LRRTM4: variants seen among roughly 807,000 people sequenced by gnomAD.
The protein encoded by LRRTM4 is leucine rich repeat transmembrane neuronal 4, also known as leucine-rich repeat transmembrane neuronal protein 4.
In LRRTM4, 25 loss-of-function variants were observed where a neutral mutation model predicts 47.6. That is an observed-to-expected ratio of 0.53 (90% CI 0.38 to 0.73). LRRTM4 has a LOEUF of 0.73. Ranked by LOEUF, LRRTM4 falls within the 30% of genes least tolerant of loss-of-function variation. The pLI is 0.00. For missense variants in LRRTM4, 638 were observed against 713.4 expected, an observed-to-expected ratio of 0.89 and a Z score of 1.20; for synonymous variants, 311 against 269.5, an observed-to-expected ratio of 1.15 and a Z score of -1.51.
rs973038153 is a variant in LRRTM4 at position 77,212,570 on chromosome 2, C to A, written c.1551+305748G>T. Among the ~76,000 whole-genome samples, 6 of 149,516 alleles carry A rather than the reference C, an allele frequency of 4.0e-5. No homozygotes were observed. In the South Asian group the frequency reaches 1.3e-3, roughly 31 times the overall value. On this transcript the variant is annotated intron_variant, in intron 3 of 3. Transcript: ENST00000409884. ...TTGAGAATATATATATATATATTCT[C>A]TCTCTATATATATAGTCTTCATTTA...
rs549197906 is a variant in LRRTM4, at chr2:76,780,384, A to G, written c.1552-31468T>C. ...CCAACTTGGTTCCATTCTCCCCATCACTTTCAGGTACACCAATCAGACGTA... is the reference window on the plus strand; with the variant it reads ...CCAACTTGGTTCCATTCTCCCCATCGCTTTCAGGTACACCAATCAGACGTA... On this transcript the variant is annotated intron_variant, in intron 3 of 3. Transcript: ENST00000409884. 8.0e-4 allele frequency among the ~76,000 whole-genome samples: 122 copies of G among 152,102 alleles called. 2 individuals carry two copies. The South Asian group carries it at 9.9e-3, about 12-fold the overall frequency.
chr2:76,885,860 T>C (rs1673060752), intron 3 of LRRTM4, among the ~76,000 whole-genome samples: 1 of 152,152 alleles, frequency 6.6e-6, no homozygotes, highest in Non-Finnish European at 1.5e-5. Context: ...TAAATGCTAC[T>C]TTTGTACTTT....
chr2:77,432,113 G>C (rs1250011858), intron 3 of LRRTM4, among the ~76,000 whole-genome samples: 1 of 152,184 alleles, frequency 6.6e-6, no homozygotes, highest in East Asian at 1.9e-4. Flanking sequence ...TTTGTATCAA[G>C]TAAGTTCAAA....
chr2:77,490,347 AAAAG>A (rs1678094711), intron 3 of LRRTM4, among the ~76,000 whole-genome samples: 1 of 152,178 alleles, frequency 6.6e-6, no homozygotes, highest in East Asian at 1.9e-4. Flanking sequence ...AAAGTGTTAT[AAAAG>A]AAAGGGAACA....
chr2:76,910,540 C>T (rs573234899), intron 3 of LRRTM4, among the ~76,000 whole-genome samples: 12 of 152,108 alleles, frequency 7.9e-5, no homozygotes, highest in East Asian at 3.9e-4. Flanking sequence ...ACCATTATTA[C>T]GAAGAAATAT....
rs566038759 is a variant in LRRTM4 at position 77,098,801 on chromosome 2, A to G, written c.1552-349885T>C. Among the ~76,000 whole-genome samples, 16 of 152,148 alleles carry G rather than the reference A, an allele frequency of 1.1e-4. 1 individual carries two copies. In the South Asian group the frequency reaches 3.3e-3, roughly 32 times the overall value. On this transcript the variant is annotated intron_variant, in intron 3 of 3. Transcript: ENST00000409884. Reference sequence around the variant, plus strand: ...ACTACAAATCAATAAGATAAAGACAAATCAATGAGAAATTATCAAAAGATA... The same window carrying G: ...ACTACAAATCAATAAGATAAAGACAGATCAATGAGAAATTATCAAAAGATA...
chr2:76,798,560 C>T (rs1259628849), intron 3 of LRRTM4, among the ~76,000 whole-genome samples: 3 of 150,588 alleles, frequency 2.0e-5, no homozygotes, highest in Non-Finnish European at 4.4e-5. Context: ...CAAGAGCAAA[C>T]ACATTCAAAA....
chr2:77,179,507 A>G (rs897996248), intron 3 of LRRTM4, among the ~76,000 whole-genome samples: 1 of 152,166 alleles, frequency 6.6e-6, no homozygotes, highest in Admixed American at 6.5e-5. Flanking sequence ...CAGGCATTAC[A>G]TTGAGTAAGT....
intron 3 of LRRTM4, among the ~76,000 whole-genome samples, chr2:77,460,947 C>T (rs114105723): frequency 7.6e-4 from 115 of 151,900 alleles, no homozygotes; most frequent in Middle Eastern, 3.4e-3. Flanking sequence ...AATATTTACC[C>T]GCATTAGAAA....
At chr2:77,179,473 G>A (rs1239196043) in intron 3 of LRRTM4, among the ~76,000 whole-genome samples, 1 of 152,130 alleles carries the variant, frequency 6.6e-6, no homozygotes, top group Non-Finnish European at 1.5e-5. Context: ...GTGAGGTTTA[G>A]TAATCGTTTG....
intron 3 of LRRTM4, among the ~76,000 whole-genome samples, chr2:77,052,043 A>T (rs1289595511): frequency 6.6e-6 from 1 of 151,992 alleles, no homozygotes; most frequent in Non-Finnish European, 1.5e-5. Context: ...ATTGTGTCTG[A>T]AGACATTTTG....
At chr2:77,160,345 C>T (rs550457177) in intron 3 of LRRTM4, among the ~76,000 whole-genome samples, 3 of 152,116 alleles carry the variant, frequency 2.0e-5, no homozygotes, top group Admixed American at 2.0e-4. Context: ...ACAACACTTT[C>T]CATACAATTT....
chr2:76,929,192 T>C (rs1421279127), intron 3 of LRRTM4, among the ~76,000 whole-genome samples: 5 of 152,172 alleles, frequency 3.3e-5, no homozygotes, highest in African/African-American at 1.2e-4. Flanking sequence ...TCACAGAGTT[T>C]AGGACCAGAC....
intron 3 of LRRTM4, among the ~76,000 whole-genome samples, chr2:76,779,161 G>A (rs1420695903): frequency 1.3e-5 from 2 of 152,034 alleles, no homozygotes; most frequent in African/African-American, 4.8e-5. Context: ...TACATTTGCT[G>A]AGGAGAGCTT....
chr2:76,795,240 AC>A (rs1195449756), intron 3 of LRRTM4, among the ~76,000 whole-genome samples: 1 of 143,494 alleles, frequency 7.0e-6, no homozygotes, highest in East Asian at 2.3e-4. Context: ...TGTGTTTTGT[AC>A]TTTAAAAATC....
Position 77,522,136 on chromosome 2 carries a change from G to A in LRRTM4, c.-175C>T, listed in dbSNP as rs551529022. On this transcript the variant is annotated 5_prime_UTR_variant, in exon 1 of 4. An upstream open reading frame in the 5' UTR gains an earlier in-frame stop. Transcript: ENST00000409884. ...GGCATTCCTTATTGTGCTGGCTTTT[G>A]CCATTCCCAGATAAAGCAATTCATC... 1.4e-6 allele frequency: 1 copy of A among 715,964 alleles called. No individual in the cohort carries two copies. The allele number at this position is 715,964 out of a possible 1,614,324, so 44.4% of individuals were successfully genotyped here.
rs1416401278 is a variant in LRRTM4, at chr2:76,800,286, A to C, written c.1552-51370T>G. On this transcript the variant is annotated intron_variant, in intron 3 of 3. Coordinates refer to ENST00000409884, the MANE Select transcript of LRRTM4 (RefSeq NM_001134745.3). ...ATCAATGGAACAGAACAGAGCCCTCAGAAATAGTGCCGCATATCTACAACT... is the reference window on the plus strand; with the variant it reads ...ATCAATGGAACAGAACAGAGCCCTCCGAAATAGTGCCGCATATCTACAACT... Among the ~76,000 whole-genome samples, 304 of 149,808 alleles carry C rather than the reference A, an allele frequency of 2.0e-3. 3 individuals carry two copies. Among genetic ancestry groups the C allele is most frequent in the Non-Finnish European group, 4.4e-4 (30 of 67,770 alleles).
At chr2:76,770,927 C>T (rs1673673124) in intron 3 of LRRTM4, among the ~76,000 whole-genome samples, 2 of 152,248 alleles carry the variant, frequency 1.3e-5, no homozygotes, top group African/African-American at 4.8e-5. Context: ...TCTCTGTAAT[C>T]CTCAAAAAAC....
At chr2:77,170,006 T>C (rs1673000734) in intron 3 of LRRTM4, among the ~76,000 whole-genome samples, 1 of 152,144 alleles carries the variant, frequency 6.6e-6, no homozygotes, top group Non-Finnish European at 1.5e-5. Flanking sequence ...ATTCATTGAG[T>C]TTTATATGGC....
Sources: allele counts gnomAD v4.1 joint callset (sites outside exome capture counted in the v4.1 genomes callset), GRCh38; gene constraint gnomAD v4.1.1; transcripts MANE v1.5; gene names NCBI Gene and HGNC (gene_info 2026-07-23, HGNC 2026-07-21).